Variants in ZNF521 observed in about 807,000 individuals in gnomAD.
ZNF521 encodes the protein zinc finger protein 521, also known as LYST-interacting protein 3.
A neutral mutation model predicts 105.5 loss-of-function variants in ZNF521; 14 were observed. The observed-to-expected ratio is 0.13, with a 90% confidence interval of 0.09 to 0.21. The LOEUF is 0.21. Ranked by LOEUF, ZNF521 falls within the 10% of genes least tolerant of loss-of-function variation. The probability of loss-of-function intolerance (pLI) is 1.00; values close to 1 mark genes in which losing one functional copy is unlikely to be tolerated. For missense variants in ZNF521, 1,233 were observed against 1,629.7 expected, an observed-to-expected ratio of 0.76 and a Z score of 4.19; for synonymous variants, 635 against 606.0, an observed-to-expected ratio of 1.05 and a Z score of -0.70.
chr18:25,191,139 T>TAGAA (rs1443660714), intron 5 of ZNF521, among the ~76,000 whole-genome samples: 30 of 152,186 alleles, frequency 2.0e-4, no homozygotes, highest in Non-Finnish European at 4.1e-4. Flanking sequence ...TCCTGACACT[T>TAGAA]AGACACAATT....
In ZNF521 at chr18:25,089,651, T is replaced by C. The variant is rs960274709; in HGVS notation, c.3791-71A>G. On this transcript the variant is annotated intron_variant, in intron 6 of 7. Coordinates refer to ENST00000361524, the MANE Select transcript of ZNF521 (RefSeq NM_015461.3). The stretch of plus-strand genomic sequence containing the variant: ...AATGCCCTCAGTCGATGACTCTGCA[T>C]GAACAGACAGCAGGCCGGACAGCAC... 2.2e-5 allele frequency: 27 copies of C among 1,241,796 alleles called. No individual in the cohort carries two copies. The African/African-American group carries it at 3.3e-4, about 15-fold the overall frequency. 76.9% of individuals were successfully genotyped at this position (1,241,796 alleles called of 1,614,324 possible).
chr18:25,227,618 G>T lies in ZNF521; in HGVS notation c.300C>A (p.Ser100Arg). ...CTCCAAAATCGCAACCTTCTCCATG[G>T]CTAGGGGAAGTCTGATCCTTGCTAG... Reference protein sequence around the residue: ...SPSSKDQTSPSHGEGCDFGEE... With the variant: ...SPSSKDQTSPRHGEGCDFGEE... Residue 100 changes from serine (S) to arginine (R), a missense_variant, in exon 4 of 8, where the codon AGC (serine) becomes AGA (arginine). Coordinates refer to ENST00000361524, the MANE Select transcript of ZNF521 (RefSeq NM_015461.3). The surrounding 1 kb of genome is among the most constrained non-coding windows in gnomAD (Gnocchi z 5.7). 6.2e-7 allele frequency: 1 copy of T among 1,614,090 alleles called. No individual in the cohort carries two copies. The highest frequency in any genetic ancestry group is 1.1e-5 in the South Asian group (1 of 91,074).
At chr18:25,334,075 C>A (rs993126869) in intron 2 of ZNF521, among the ~76,000 whole-genome samples, 2 of 152,190 alleles carry the variant, frequency 1.3e-5, no homozygotes, top group African/African-American at 4.8e-5. Context: ...TCCAGCACCC[C>A]CTTGCCACCA....
At chr18:25,125,644 CGT>C (rs1171310272) in intron 5 of ZNF521, among the ~76,000 whole-genome samples, 2 of 150,046 alleles carry the variant, frequency 1.3e-5, no homozygotes, top group African/African-American at 4.9e-5. Flanking sequence ...TGTGTGTGTG[CGT>C]GTGTGTATGT....
intron 5 of ZNF521, among the ~76,000 whole-genome samples, chr18:25,142,733 T>C (rs535376248): frequency 2.1e-5 from 3 of 143,280 alleles, no homozygotes; most frequent in East Asian, 4.0e-4. Context: ...TAGATTTTCA[T>C]AGATCCTGTA....
rs2032928860 is a variant in ZNF521, at chr18:25,062,668, T to C, written c.*44A>G. 6.3e-7 allele frequency: 1 copy of C among 1,585,736 alleles called. No individual in the cohort carries two copies. The highest frequency in any genetic ancestry group is 8.5e-7 in the Non-Finnish European group (1 of 1,171,498). On this transcript the variant is annotated 3_prime_UTR_variant, in exon 8 of 8. Transcript: ENST00000361524. ...GTGCAAAGAGTAAAACATGTTCCCT[T>C]TTTGTGCCACAAAATCAATTCTCCT...
At chr18:25,090,039 C>T (rs2033709912) in intron 6 of ZNF521, among the ~76,000 whole-genome samples, 1 of 152,160 alleles carries the variant, frequency 6.6e-6, no homozygotes. Flanking sequence ...TACTCTGGGG[C>T]ACTGTCTATA....
At chr18:25,260,235 G>T (rs1412983946) in intron 3 of ZNF521, among the ~76,000 whole-genome samples, 2 of 152,064 alleles carry the variant, frequency 1.3e-5, no homozygotes, top group East Asian at 3.9e-4. Flanking sequence ...ACAAAAAAAA[G>T]AAATGCTAAA....
chr18:25,321,935 C>T, intron 3 of ZNF521, 73 bp downstream of exon 3: 4 of 1,393,682 alleles, frequency 2.9e-6, no homozygotes, highest in Non-Finnish European at 3.9e-6. Flanking sequence ...GAGAAAAACA[C>T]ATAAAGGAAC....
At chr18:25,087,880 T>G (rs952123833) in intron 7 of ZNF521, among the ~76,000 whole-genome samples, 1 of 152,210 alleles carries the variant, frequency 6.6e-6, no homozygotes, top group Admixed American at 6.5e-5. Context: ...TTCTTATATT[T>G]TGTATTTCAT....
intron 3 of ZNF521, among the ~76,000 whole-genome samples, chr18:25,240,381 A>C (rs1907226669): frequency 6.6e-6 from 1 of 152,094 alleles, no homozygotes. Flanking sequence ...AAACAACAAC[A>C]ACAAAAACAA....
intron 2 of ZNF521, among the ~76,000 whole-genome samples, chr18:25,350,521 T>G (rs1041201164): frequency 2.0e-5 from 3 of 152,172 alleles, no homozygotes; most frequent in Non-Finnish European, 4.4e-5. Context: ...TTTGCATATT[T>G]ATTCTTTGCG....
chr18:25,214,711 A>T (rs2144696977), intron 4 of ZNF521, among the ~76,000 whole-genome samples: 1 of 152,302 alleles, frequency 6.6e-6, no homozygotes, highest in Non-Finnish European at 1.5e-5. Flanking sequence ...CTTGTATTAT[A>T]GTCAGAGAAC....
chr18:25,158,721 C>T (rs748287667), intron 5 of ZNF521, among the ~76,000 whole-genome samples: 6 of 151,858 alleles, frequency 4.0e-5, no homozygotes, highest in Non-Finnish European at 7.4e-5. Flanking sequence ...TTTGGGAGGT[C>T]GAGGCAGGTG....
intron 3 of ZNF521, among the ~76,000 whole-genome samples, chr18:25,230,689 T>C (rs1311071072): frequency 6.6e-6 from 1 of 152,216 alleles, no homozygotes; most frequent in Non-Finnish European, 1.5e-5. Context: ...ACTGTCTTTC[T>C]GGGTGATGGC....
chr18:25,074,709 T>C (rs181208339), intron 7 of ZNF521, among the ~76,000 whole-genome samples: 146 of 152,298 alleles, frequency 9.6e-4, no homozygotes, highest in African/African-American at 3.4e-3. Flanking sequence ...CTCTCTACCC[T>C]GCCAAGAAGA....
intron 2 of ZNF521, among the ~76,000 whole-genome samples, chr18:25,339,245 T>C (rs547902686): frequency 6.6e-5 from 10 of 152,352 alleles, no homozygotes; most frequent in Admixed American, 3.3e-4. Flanking sequence ...ATGAAACCCA[T>C]GAGCAGTTGG....
At chr18:25,141,696 T>G (rs1400637182) in intron 5 of ZNF521, among the ~76,000 whole-genome samples, 1 of 152,182 alleles carries the variant, frequency 6.6e-6, no homozygotes, top group Non-Finnish European at 1.5e-5. Flanking sequence ...GAGTGTTTAT[T>G]GTCCACAGGT....
intron 3 of ZNF521, among the ~76,000 whole-genome samples, chr18:25,275,736 G>C (rs1435895924): frequency 6.6e-6 from 1 of 152,160 alleles, no homozygotes; most frequent in East Asian, 1.9e-4. Context: ...AAAGGAAAGG[G>C]AAACAGGTCA....
Sources: gnomAD v4.1 joint callset for allele counts (sites outside exome capture counted in the v4.1 genomes callset) on GRCh38, gnomAD v4.1.1 for gene constraint, Gnocchi (gnomAD v3.1) non-coding constraint, MANE v1.5 for transcripts, NCBI Gene and HGNC (gene_info 2026-07-23, HGNC 2026-07-21) for gene names.